The following NDUFA11 variants were observed in gnomAD, a reference collection of about 807,000 sequenced individuals.
The protein encoded by NDUFA11 is NADH dehydrogenase [ubiquinone] 1 alpha subcomplex subunit 11.
In NDUFA11, 14 loss-of-function variants were observed where a neutral mutation model predicts 11.3. The observed-to-expected ratio is 1.24, with a 90% CI of 0.82 to 1.94. The LOEUF is 1.94. NDUFA11 is among the 30% of genes most tolerant of loss of function. The probability of loss-of-function intolerance (pLI) is 0.00; values close to 1 mark genes in which losing one functional copy is unlikely to be tolerated. For missense variants in NDUFA11, 204 were observed against 200.3 expected, an observed-to-expected ratio of 1.02 and a Z score of -0.11; for synonymous variants, 87 against 85.6, an observed-to-expected ratio of 1.02 and a Z score of -0.09.
intron 1 of NDUFA11, among the ~76,000 whole-genome samples, chr19:5,902,102 A>C (rs1363285014): frequency 6.7e-6 from 1 of 149,544 alleles, no homozygotes; most frequent in African/African-American, 2.5e-5. Flanking sequence ...CAGCCTCCCA[A>C]GTAGCTGGGA....
intron 1 of NDUFA11, chr19:5,901,331 G>A (rs769997371): frequency 2.7e-5 from 35 of 1,284,642 alleles, no homozygotes; most frequent in East Asian, 5.6e-5. Flanking sequence ...CCCTCGATAA[G>A]GACCTGATGG....
At chr19:5,898,869 G>A (rs1253617297) in intron 1 of NDUFA11, among the ~76,000 whole-genome samples, 28 of 142,276 alleles carry the variant, frequency 2.0e-4, no homozygotes, top group Admixed American at 8.5e-4. Flanking sequence ...GTGAGACTCC[G>A]TCTCAAAATA....
rs1171470480 is a variant in NDUFA11, at chr19:5,896,437, G to A, written c.313+16C>T. 1 of 628,136 alleles carries A rather than the reference G, an allele frequency of 1.6e-6. No individual in the cohort carries two copies. Among genetic ancestry groups the A allele is most frequent in the Non-Finnish European group, 2.7e-6 (1 of 370,366 alleles). 38.9% of individuals were successfully genotyped at this position (628,136 alleles called of 1,614,324 possible). ...CAGGCTGGGAGGAGGGTGGGGGTGG[G>A]GAGGGGGCCACTCACTGCGTGCTCC... On this transcript the variant is annotated intron_variant, in intron 3 of 3. Coordinates refer to ENST00000308961, the MANE Select transcript of NDUFA11 (RefSeq NM_175614.5). The surrounding 1 kb of genome is among the most constrained non-coding windows in gnomAD (Gnocchi z 5.8).
chr19:5,901,488 T>A, intron 1 of NDUFA11: 2 of 1,276,362 alleles, frequency 1.6e-6, no homozygotes, highest in African/African-American at 3.0e-5. Flanking sequence ...ACGTCTGTCT[T>A]ACTATTAATA....
chr19:5,899,084 T>TC (rs921985050), intron 1 of NDUFA11, among the ~76,000 whole-genome samples: 2 of 142,812 alleles, frequency 1.4e-5, no homozygotes, highest in African/African-American at 5.3e-5. Flanking sequence ...CACACACACA[T>TC]CCCCCCCTTC....
Position 5,896,443 on chromosome 19 carries a change from G to A in NDUFA11, c.313+10C>T. 2.0e-6 allele frequency: 2 copies of A among 1,017,116 alleles called. No homozygotes were observed. The highest frequency in any genetic ancestry group is 2.9e-6 in the Non-Finnish European group (2 of 683,680). 63.0% of individuals were successfully genotyped at this position (1,017,116 alleles called of 1,614,324 possible). On this transcript the variant is annotated intron_variant, in intron 3 of 3. Coordinates refer to ENST00000308961, the MANE Select transcript of NDUFA11 (RefSeq NM_175614.5). This position sits in a 1 kb window ranked among gnomAD's most constrained non-coding sequence, Gnocchi z 5.8. ...GGGAGGAGGGTGGGGGTGGGGAGGG[G>A]GCCACTCACTGCGTGCTCCCAGAGT... is the stretch of plus-strand genomic sequence containing the variant.
chr19:5,896,325 G>T lies in NDUFA11; in HGVS notation c.313+128C>A. ...CAGCAGCTGTCGCTATGACTGAAATGGCTGGTGTTCAAGAAGGCTGCTTTA... is the reference window on the plus strand; with the variant it reads ...CAGCAGCTGTCGCTATGACTGAAATTGCTGGTGTTCAAGAAGGCTGCTTTA... On this transcript the variant is annotated intron_variant, in intron 3 of 3. Transcript: ENST00000308961. The surrounding 1 kb of genome is among the most constrained non-coding windows in gnomAD (Gnocchi z 5.8). The T allele has an allele frequency of 9.0e-7, 1 of 1,111,270 alleles. No homozygotes were observed. The highest frequency in any genetic ancestry group is 1.3e-6 in the Non-Finnish European group (1 of 786,480). 68.8% of individuals were successfully genotyped at this position (1,111,270 alleles called of 1,614,324 possible). A position where few individuals can be genotyped will look rare whatever the true frequency, so the allele number is the denominator to read the frequency against.
chr19:5,903,689 CG>C lies in NDUFA11; in HGVS notation c.19del (p.Arg7ValfsTer28), dbSNP rs2057660417. 1.3e-6 allele frequency: 2 copies of C among 1,551,538 alleles called. No homozygotes were observed. Among genetic ancestry groups the C allele is most frequent in the Non-Finnish European group, 8.7e-7 (1 of 1,146,910 alleles). MAPKVF[R>X]QYWDIPDGTD... ...GCCATCGGGGATATCCCAGTACTGA[CG>C]AAAAACCTTCGGCGCCATAGCCCGC... is the stretch of plus-strand genomic sequence containing the variant. On this transcript the variant is annotated frameshift_variant, in exon 1 of 4. Transcript: ENST00000308961. LOFTEE classifies it high-confidence loss of function.
chr19:5,896,972 G>C lies in NDUFA11; in HGVS notation c.123C>G (p.Val41=). 6.2e-7 allele frequency: 1 copy of C among 1,614,112 alleles called. No individual in the cohort carries two copies. Among genetic ancestry groups the C allele is most frequent in the Non-Finnish European group, 8.5e-7 (1 of 1,180,020 alleles). The change falls in exon 2 of 4, where the codon GTC becomes GTG. Residue 41 remains valine, a synonymous_variant. Coordinates refer to ENST00000308961, the MANE Select transcript of NDUFA11 (RefSeq NM_175614.5). The surrounding 1 kb of genome is among the most constrained non-coding windows in gnomAD (Gnocchi z 5.8). ...VAGLTAAAYR[V]TLNPPGTFLE... Reference sequence around the variant, plus strand: ...GGAAGGTGCCCGGAGGATTGAGTGTGACTCTGTAGGCAGCGGCGGTCAGGC... The same window carrying C: ...GGAAGGTGCCCGGAGGATTGAGTGTCACTCTGTAGGCAGCGGCGGTCAGGC...
At chr19:5,892,674 C>T (rs576699420), downstream of NDUFA11, 11 of 413,992 alleles carry the variant, frequency 2.7e-5, no homozygotes, top group Middle Eastern at 3.2e-4. Flanking sequence ...TGGGGATGAC[C>T]GCCCGGGTCC....
chr19:5,899,478 A>T (rs1599695253), intron 1 of NDUFA11, among the ~76,000 whole-genome samples: 1 of 77,318 alleles, frequency 1.3e-5, no homozygotes. Flanking sequence ...TTTTTTTGAG[A>T]CAGTCTTGCT....
intron 1 of NDUFA11, among the ~76,000 whole-genome samples, chr19:5,901,732 C>T (rs920482772): frequency 6.6e-6 from 1 of 151,594 alleles, no homozygotes; most frequent in South Asian, 2.1e-4. Flanking sequence ...TGCAGAGGCG[C>T]AATCTCGGCT....
chr19:5,903,515 G>A (rs564654238), intron 1 of NDUFA11, 97 bp downstream of exon 1: 1 of 1,188,860 alleles, frequency 8.4e-7, no homozygotes, highest in South Asian at 1.3e-5. Context: ...GCGTACCCGC[G>A]AGACTCCCAG....
At chr19:5,898,638 C>T (rs1842611358) in intron 1 of NDUFA11, among the ~76,000 whole-genome samples, 1 of 152,090 alleles carries the variant, frequency 6.6e-6, no homozygotes, top group Non-Finnish European at 1.5e-5. Flanking sequence ...CTTTAAGAGG[C>T]CAAGGTGGGC....
At chr19:5,895,946 A>C in intron 3 of NDUFA11, 1 of 195,272 alleles carries the variant, frequency 5.1e-6, no homozygotes, top group Non-Finnish European at 1.1e-5. Flanking sequence ...CTCCAGGTGC[A>C]GGGAGAGAGA....
intron 1 of NDUFA11, among the ~76,000 whole-genome samples, chr19:5,900,422 C>T (rs1452297106): frequency 1.3e-5 from 2 of 152,170 alleles, no homozygotes; most frequent in East Asian, 1.9e-4. Flanking sequence ...TTATCATGTG[C>T]CCACAGGTCC....
chr19:5,892,751 G>T, downstream of NDUFA11: 1 of 903,434 alleles, frequency 1.1e-6, no homozygotes, highest in Non-Finnish European at 1.5e-6. Flanking sequence ...GACAGAGGCC[G>T]GTGCCCTCGA....
At chr19:5,893,367 A>C (rs2057589337), downstream of NDUFA11, 2 of 657,606 alleles carry the variant, frequency 3.0e-6, no homozygotes, top group East Asian at 2.7e-5. The surrounding 1 kb of genome is among the most constrained non-coding windows in gnomAD (Gnocchi z 4.1). Flanking sequence ...AGGGAGGCTG[A>C]GATGAGAGAG....
downstream of NDUFA11, chr19:5,892,928 G>A (rs1390821176): frequency 3.5e-6 from 5 of 1,442,756 alleles, no homozygotes; most frequent in African/African-American, 1.4e-5. Context: ...CAAGTTCTGG[G>A]GTTCGAACCC....
Sources: gnomAD v4.1 joint callset for allele counts (sites outside exome capture counted in the v4.1 genomes callset) on GRCh38, gnomAD v4.1.1 for gene constraint, Gnocchi (gnomAD v3.1) non-coding constraint, MANE v1.5 for transcripts, NCBI Gene and HGNC (gene_info 2026-07-23, HGNC 2026-07-21) for gene names.